XRCC6: variants seen among roughly 807,000 people sequenced by gnomAD.
XRCC6 encodes the protein DNA repair protein Ku70.
A neutral mutation model predicts 65.7 loss-of-function variants in XRCC6; 5 were observed. The ratio of observed to expected loss-of-function variants is 0.08; its 90% CI spans 0.04 to 0.16. The LOEUF (loss-of-function observed/expected upper bound fraction) is 0.16, where lower values mean the gene tolerates loss of function less well. Among genes scored for constraint, XRCC6 ranks in the 10% least tolerant of loss-of-function variants. XRCC6 has a pLI of 1.00. For missense variants in XRCC6, 447 were observed against 738.1 expected, an observed-to-expected ratio of 0.61 and a Z score of 4.57; for synonymous variants, 270 against 270.6, an observed-to-expected ratio of 1.00 and a Z score of 0.02.
intron 6 of XRCC6, among the ~76,000 whole-genome samples, chr22:41,639,346 T>C (rs2067848765): frequency 7.7e-6 from 1 of 130,170 alleles, no homozygotes; most frequent in Non-Finnish European, 1.7e-5. Flanking sequence ...TTTTTTTTTT[T>C]TTTTTTTTGA....
chr22:41,636,760 C>A lies in XRCC6; in HGVS notation c.579C>A (p.Leu193=). 1 of 1,614,080 alleles carries A rather than the reference C, an allele frequency of 6.2e-7. No individual in the cohort carries two copies. Among genetic ancestry groups the A allele is most frequent in the South Asian group, 1.1e-5 (1 of 91,036 alleles). The change falls in exon 5 of 13, where the codon CTC becomes CTA. Residue 193 remains leucine, a synonymous_variant. Coordinates refer to ENST00000360079, the MANE Select transcript of XRCC6 (RefSeq NM_001469.5). ...ASRARTKAGD[L]RDTGIFLDLM... ...GGGCCAGGACCAAAGCCGGTGATCTCCGAGATACAGGTGGGCATATTTCCC... is the reference window on the plus strand; with the variant it reads ...GGGCCAGGACCAAAGCCGGTGATCTACGAGATACAGGTGGGCATATTTCCC...
In XRCC6 at chr22:41,636,500, C is replaced by A. The variant is rs1449318163; in HGVS notation, c.335-16C>A. 8 of 1,612,200 alleles carry A rather than the reference C, an allele frequency of 5.0e-6. No homozygotes were observed. The highest frequency in any genetic ancestry group is 6.8e-6 in the Non-Finnish European group (8 of 1,178,888). On this transcript the variant is annotated splice_polypyrimidine_tract_variant and intron_variant, in intron 4 of 12. Transcript: ENST00000360079. ...TTCTGATTTTTCTTTCCATTTGACT[C>A]CCTGCCTCTGATCAGGTGCAAAACG...
At chr22:41,662,248 T>C (rs969541152) in intron 12 of XRCC6, among the ~76,000 whole-genome samples, 6 of 152,188 alleles carry the variant, frequency 3.9e-5, no homozygotes, top group Non-Finnish European at 8.8e-5. Flanking sequence ...AGATAAATGC[T>C]TGAGGGGATG....
chr22:41,623,011 CT>C (rs2067627864), intron 2 of XRCC6, among the ~76,000 whole-genome samples: 1 of 151,994 alleles, frequency 6.6e-6, no homozygotes. Flanking sequence ...ATCTACCACT[CT>C]AACACAACCA....
chr22:41,654,323 G>A (rs2068026105), intron 9 of XRCC6, among the ~76,000 whole-genome samples: 1 of 152,144 alleles, frequency 6.6e-6, no homozygotes, highest in Non-Finnish European at 1.5e-5. Context: ...TTTTAACTTT[G>A]ATCCTCAGCA....
At chr22:41,623,880 A>G (rs1004996617) in intron 2 of XRCC6, among the ~76,000 whole-genome samples, 2 of 151,430 alleles carry the variant, frequency 1.3e-5, no homozygotes, top group African/African-American at 2.4e-5. Flanking sequence ...GCGCCACCAC[A>G]CTCGGCTAAT....
chr22:41,663,716 T>G lies in XRCC6; in HGVS notation c.1731T>G (p.Thr577=). The G allele has an allele frequency of 1.9e-6, 3 of 1,613,998 alleles. No individual in the cohort carries two copies. The highest frequency in any genetic ancestry group is 2.5e-6 in the Non-Finnish European group (3 of 1,179,878). ...GCAAGGGTACGCTGGGCAAGTTCAC[T>G]GTGCCCATGCTGAAAGAGGCCTGCC... ...HISKGTLGKF[T]VPMLKEACRA... The change falls in exon 13 of 13, where the codon ACT becomes ACG. Residue 577 remains threonine (T), a synonymous_variant. Transcript: ENST00000360079.
chr22:41,645,777 C>T (rs1364448711), intron 6 of XRCC6, among the ~76,000 whole-genome samples: 1 of 150,582 alleles, frequency 6.6e-6, no homozygotes, highest in African/African-American at 2.5e-5. Context: ...CTCACTGCAA[C>T]CTCCAACTCC....
chr22:41,632,335 G>A (rs1433878858), intron 3 of XRCC6, among the ~76,000 whole-genome samples: 2 of 152,150 alleles, frequency 1.3e-5, no homozygotes, highest in African/African-American at 2.4e-5. Context: ...GGTAGGCAGG[G>A]TGTGGTGGCT....
chr22:41,645,525 C>A (rs562447027), intron 6 of XRCC6, among the ~76,000 whole-genome samples: 2 of 152,120 alleles, frequency 1.3e-5, no homozygotes, highest in African/African-American at 2.4e-5. Context: ...ATGGCCTTCT[C>A]CAGGGTCAGA....
At chr22:41,636,867 C>A in intron 5 of XRCC6, 97 bp downstream of exon 5, 1 of 1,450,982 alleles carries the variant, frequency 6.9e-7, no homozygotes, top group African/African-American at 1.4e-5. Context: ...TCAGCCTCAG[C>A]CTCCCAAGTA....
chr22:41,622,258 G>C (rs2067616506), intron 2 of XRCC6, among the ~76,000 whole-genome samples, 172 bp downstream of exon 2: 1 of 152,186 alleles, frequency 6.6e-6, no homozygotes, highest in African/African-American at 2.4e-5. Flanking sequence ...CTTATATGCA[G>C]ATCTTACTCT....
Position 41,658,236 on chromosome 22 carries a change from A to G in XRCC6, c.1422-16A>G, listed in dbSNP as rs2068063337. On this transcript the variant is annotated splice_polypyrimidine_tract_variant and intron_variant, in intron 10 of 12. Coordinates refer to ENST00000360079, the MANE Select transcript of XRCC6 (RefSeq NM_001469.5). ...AATTGTCATGTTTCAGTTGAGTTAC[A>G]TTATTGTTTTAACAGAAGTGACAGC... 5 of 1,568,096 alleles carry G rather than the reference A, an allele frequency of 3.2e-6. No homozygotes were observed. Among genetic ancestry groups the G allele is most frequent in the South Asian group, 1.1e-5 (1 of 90,456 alleles).
At chr22:41,645,698 C>CTTTTTTTT (rs909409152) in intron 6 of XRCC6, among the ~76,000 whole-genome samples, 2 of 135,084 alleles carry the variant, frequency 1.5e-5, no homozygotes, top group African/African-American at 5.4e-5. Flanking sequence ...ATTCTTTCTT[C>CTTTTTTTT]TTTTTTTTTT....
chr22:41,649,139 A>AAAAAATATATATATATATATAT, intron 7 of XRCC6, among the ~76,000 whole-genome samples: 3 of 88,726 alleles, frequency 3.4e-5, no homozygotes, highest in South Asian at 4.4e-4. Context: ...AAAAAAAAAA[A>AAAAAATATATATATATATATAT]ATATATATAT....
Position 41,663,941 on chromosome 22 carries a change from A to G in XRCC6, c.*126A>G. On this transcript the variant is annotated 3_prime_UTR_variant, in exon 13 of 13. Coordinates refer to ENST00000360079, the MANE Select transcript of XRCC6 (RefSeq NM_001469.5). ...TACCCGACATAAGTCGAGGGACTTT[A>G]TGTTTTTGAGGCTTTCTGTTGCCAT... 1 of 1,072,970 alleles carries G rather than the reference A, an allele frequency of 9.3e-7. No homozygotes were observed. The allele number at this position is 1,072,970 out of a possible 1,614,324, so 66.5% of individuals were successfully genotyped here.
intron 11 of XRCC6, 28 bp from the exon 12 acceptor site, chr22:41,661,303 G>A (rs1167844498): frequency 6.3e-7 from 1 of 1,599,524 alleles, no homozygotes; most frequent in South Asian, 1.1e-5. Flanking sequence ...GACTCACCAG[G>A]CCACTCTTCT....
rs931372662 is a variant in XRCC6 at position 41,637,717 on chromosome 22, T to C, written c.699T>C (p.Phe233=). 2 of 1,613,846 alleles carry C rather than the reference T, an allele frequency of 1.2e-6. No individual in the cohort carries two copies. Among genetic ancestry groups the C allele is most frequent in the Admixed American group, 1.7e-5 (1 of 59,946 alleles). The part of the protein sequence containing the change: ...IAEDEDLRVH[F]EESSKLEDLL... The stretch of plus-strand genomic sequence containing the variant: ...AGGATGAGGACCTCAGGGTTCACTT[T>C]GAGGAATCCAGCAAGCTAGAAGACC... The change falls in exon 6 of 13, where the codon TTT becomes TTC. Residue 233 remains phenylalanine (F), a synonymous_variant. Transcript: ENST00000360079.
At chr22:41,629,847 T>G (rs776737128) in intron 3 of XRCC6, among the ~76,000 whole-genome samples, 1 of 152,006 alleles carries the variant, frequency 6.6e-6, no homozygotes, top group Non-Finnish European at 1.5e-5. Flanking sequence ...TTTTTTGTGT[T>G]TTTAGTAGAG....
Sources: allele counts gnomAD v4.1 joint callset (sites outside exome capture counted in the v4.1 genomes callset), GRCh38; gene constraint gnomAD v4.1.1; transcripts MANE v1.5; gene names NCBI Gene and HGNC (gene_info 2026-07-23, HGNC 2026-07-21).